The following LPL variants were observed in gnomAD, a reference collection of about 807,000 sequenced individuals.
LPL encodes lipoprotein lipase.
In LPL, 43 loss-of-function variants were observed where a neutral mutation model predicts 52.2. The ratio of observed to expected loss-of-function variants is 0.82; its 90% CI spans 0.64 to 1.06. The LOEUF is 1.06. LPL is among the 50% of genes least tolerant of loss of function. LPL has a pLI of 0.00. For synonymous variants in LPL, 244 were observed against 215.6 expected, an observed-to-expected ratio of 1.13 and a Z score of -1.15; for missense variants, 639 against 585.3, an observed-to-expected ratio of 1.09 and a Z score of -0.95.
At chr8:19,952,162 CG>C in intron 3 of LPL, among the ~76,000 whole-genome samples, 1 of 152,248 alleles carries the variant, frequency 6.6e-6, no homozygotes, top group South Asian at 2.1e-4. Flanking sequence ...CCTGCTCTAT[CG>C]TTTGATATTT....
At chr8:19,961,689 GCAAA>G (rs1663197139) in intron 8 of LPL, among the ~76,000 whole-genome samples, 1 of 151,230 alleles carries the variant, frequency 6.6e-6, no homozygotes, top group South Asian at 2.1e-4. Flanking sequence ...CACCAAAGAA[GCAAA>G]CAAACAAACA....
chr8:19,962,792 C>G (rs757925169), intron 9 of LPL, among the ~76,000 whole-genome samples: 25 of 152,240 alleles, frequency 1.6e-4, no homozygotes, highest in Non-Finnish European at 2.9e-4. Flanking sequence ...GGAAACTGTT[C>G]TCTCTTCTAT....
rs754788836 is a variant in LPL at position 19,956,076 on chromosome 8, C to T, written c.1011C>T (p.Pro337=). 4 of 1,613,970 alleles carry T rather than the reference C, an allele frequency of 2.5e-6. No homozygotes were observed. The African/African-American group carries it at 4.0e-5, about 16-fold the overall frequency. ...ACCTGAAGACTCGTTCTCAGATGCCCTACAAAGGTAGGCTGGAGACTGTTG... is the reference window on the plus strand; with the variant it reads ...ACCTGAAGACTCGTTCTCAGATGCCTTACAAAGGTAGGCTGGAGACTGTTG... The part of the protein sequence containing the change: ...KMYLKTRSQM[P]YKVFHYQVKI... The change falls in exon 6 of 10, where the codon CCC becomes CCT. Residue 337 remains proline (P), a synonymous_variant. Transcript: ENST00000650287.
intron 3 of LPL, among the ~76,000 whole-genome samples, chr8:19,952,621 G>T (rs2069945723): frequency 6.6e-6 from 1 of 152,174 alleles, no homozygotes. Context: ...AATAAGCTGT[G>T]TTTATTAGAC....
chr8:19,964,119 A>C (rs2070065066), intron 9 of LPL, among the ~76,000 whole-genome samples: 1 of 151,898 alleles, frequency 6.6e-6, no homozygotes. Context: ...CACCTGGCTA[A>C]TTTCGTATTT....
intron 2 of LPL, among the ~76,000 whole-genome samples, chr8:19,951,233 A>G (rs910567833): frequency 2.0e-5 from 3 of 152,204 alleles, no homozygotes; most frequent in African/African-American, 7.2e-5. Context: ...CAGGGTTCCC[A>G]TTGTGAAGTA....
chr8:19,952,907 T>G (rs908062502), intron 3 of LPL, among the ~76,000 whole-genome samples: 1 of 152,210 alleles, frequency 6.6e-6, no homozygotes, highest in East Asian at 1.9e-4. Context: ...TATACATATA[T>G]GCATGCATAT....
At chr8:19,949,951 G>GA (rs138942164) in intron 2 of LPL, among the ~76,000 whole-genome samples, 16,847 of 152,102 alleles carry the variant, frequency 0.11, 2,551 homozygotes, top group African/African-American at 0.35. Flanking sequence ...GAAGTTGTGG[G>GA]AAAAAAATGG....
intron 1 of LPL, among the ~76,000 whole-genome samples, chr8:19,947,140 G>A (rs2069888136): frequency 6.6e-6 from 1 of 152,092 alleles, no homozygotes; most frequent in South Asian, 2.1e-4. Flanking sequence ...CCATAGGAGT[G>A]GGAACAGTTT....
chr8:19,961,118 C>T, intron 8 of LPL, 35 bp downstream of exon 8: 4 of 1,594,966 alleles, frequency 2.5e-6, no homozygotes, highest in Non-Finnish European at 3.4e-6. Context: ...TCACTTTAGA[C>T]CCCCACCTGA....
chr8:19,955,795 G>A lies in LPL; in HGVS notation c.776-46G>A, dbSNP rs766922154. 3.7e-6 allele frequency: 6 copies of A among 1,613,676 alleles called. No individual in the cohort carries two copies. In the Admixed American group the frequency reaches 8.3e-5, roughly 22 times the overall value. ...AGACATGCCAAATGAAACACTCTTT[G>A]TGAATTTCTGCCGAGATACAATCTT... On this transcript the variant is annotated intron_variant, in intron 5 of 9. Coordinates refer to ENST00000650287, the MANE Select transcript of LPL (RefSeq NM_000237.3).
At chr8:19,961,580 T>C (rs986929528) in intron 8 of LPL, among the ~76,000 whole-genome samples, 26 of 152,182 alleles carry the variant, frequency 1.7e-4, no homozygotes, top group African/African-American at 6.0e-4. Flanking sequence ...ATACTAAATG[T>C]GCTGGGATTT....
chr8:19,940,726 A>T (rs1264218863), intron 1 of LPL, among the ~76,000 whole-genome samples: 1 of 152,226 alleles, frequency 6.6e-6, no homozygotes, highest in Non-Finnish European at 1.5e-5. Flanking sequence ...GAGTCTCTCC[A>T]TAGCTTTGAT....
chr8:19,947,584 C>T (rs1209519154), intron 1 of LPL, among the ~76,000 whole-genome samples: 1 of 151,948 alleles, frequency 6.6e-6, no homozygotes, highest in South Asian at 2.1e-4. Flanking sequence ...GAACCAAGAT[C>T]GCACCACTGC....
chr8:19,959,563 T>C (rs1414241169), intron 7 of LPL, among the ~76,000 whole-genome samples, 183 bp downstream of exon 7: 12 of 152,100 alleles, frequency 7.9e-5, no homozygotes, highest in Admixed American at 6.5e-4. Context: ...AAATTGGCCA[T>C]TTTATTTTCA....
chr8:19,944,130 G>A lies in LPL; in HGVS notation c.89-4050G>A, dbSNP rs1490738673. ...GAACCCAGGAGGCATAGGTTGCAGT[G>A]AGTCACGATCGTGCCACTGCACTCC... On this transcript the variant is annotated intron_variant, in intron 1 of 9. Coordinates refer to ENST00000650287, the MANE Select transcript of LPL (RefSeq NM_000237.3). This position sits in a 1 kb window ranked among gnomAD's most constrained non-coding sequence, Gnocchi z 4.2. Among the ~76,000 whole-genome samples the A allele has an allele frequency of 2.0e-5, 3 of 152,122 alleles. No homozygotes were observed. Among genetic ancestry groups the A allele is most frequent in the African/African-American group, 7.2e-5 (3 of 41,410 alleles).
At chr8:19,941,102 CA>C (rs887757477) in intron 1 of LPL, among the ~76,000 whole-genome samples, 1 of 151,996 alleles carries the variant, frequency 6.6e-6, no homozygotes, top group African/African-American at 2.4e-5. Flanking sequence ...AAAATTAAAA[CA>C]AAACAAAACA....
In LPL at chr8:19,950,853, G is replaced by A. The variant is rs2069927438; in HGVS notation, c.250-916G>A. On this transcript the variant is annotated intron_variant, in intron 2 of 9. Coordinates refer to ENST00000650287, the MANE Select transcript of LPL (RefSeq NM_000237.3). The surrounding 1 kb of genome is among the most constrained non-coding windows in gnomAD (Gnocchi z 4.2). The stretch of plus-strand genomic sequence containing the variant: ...GAAAGGAAGGAATGAAAGGAAGGAA[G>A]GGAAGGAGGAAGGGAAGGAGGGAGG... Among the ~76,000 whole-genome samples the A allele has an allele frequency of 6.7e-6, 1 of 149,136 alleles. No homozygotes were observed. Among genetic ancestry groups the A allele is most frequent in the Non-Finnish European group, 1.5e-5 (1 of 67,220 alleles).
At chr8:19,945,887 G>A (rs2069878360) in intron 1 of LPL, among the ~76,000 whole-genome samples, 1 of 152,214 alleles carries the variant, frequency 6.6e-6, no homozygotes, top group African/African-American at 2.4e-5. Flanking sequence ...CATAGAATAT[G>A]TTAAAATAAG....
Sources: gnomAD v4.1 joint callset for allele counts (sites outside exome capture counted in the v4.1 genomes callset) on GRCh38, gnomAD v4.1.1 for gene constraint, Gnocchi (gnomAD v3.1) non-coding constraint, MANE v1.5 for transcripts, NCBI Gene and HGNC (gene_info 2026-07-23, HGNC 2026-07-21) for gene names.